The following CEP83 variants were observed in gnomAD, a reference collection of about 807,000 sequenced individuals.
CEP83 encodes centrosomal protein 83.
CEP83 carries 70 observed loss-of-function variants against 101.9 expected under a neutral mutation model. The observed-to-expected ratio is 0.69, with a 90% confidence interval of 0.57 to 0.84. The LOEUF is 0.84. Ranked by LOEUF, CEP83 falls within the 40% of genes least tolerant of loss-of-function variation. The pLI is 0.00. For missense variants in CEP83, 715 were observed against 787.2 expected, an observed-to-expected ratio of 0.91 and a Z score of 1.10; for synonymous variants, 264 against 267.9, an observed-to-expected ratio of 0.99 and a Z score of 0.14.
chr12:94,389,678 C>T (rs963869573), intron 6 of CEP83, among the ~76,000 whole-genome samples: 3 of 152,154 alleles, frequency 2.0e-5, no homozygotes, highest in Non-Finnish European at 2.9e-5. Context: ...TCACCTCACC[C>T]GGGAAGTGCA....
chr12:94,323,598 T>C (rs1404144421), intron 14 of CEP83, among the ~76,000 whole-genome samples: 1 of 152,192 alleles, frequency 6.6e-6, no homozygotes, highest in Non-Finnish European at 1.5e-5. Flanking sequence ...CTGTATTTAC[T>C]TACTCCTTCT....
At chr12:94,452,256 G>A (rs1305323569) in intron 1 of CEP83, among the ~76,000 whole-genome samples, 3 of 152,134 alleles carry the variant, frequency 2.0e-5, no homozygotes, top group Non-Finnish European at 2.9e-5. Context: ...AAATTGCCTT[G>A]TGATGACAGT....
intron 2 of CEP83, chr12:94,424,210 G>T: frequency 1.2e-6 from 2 of 1,610,156 alleles, no homozygotes; most frequent in Non-Finnish European, 8.5e-7. Context: ...GAGCTGTGGT[G>T]GGGTCATAGG....
chr12:94,368,136 T>C lies in CEP83; in HGVS notation c.1114A>G (p.Lys372Glu), dbSNP rs1234418853. 1.2e-6 allele frequency: 2 copies of C among 1,612,988 alleles called. No individual in the cohort carries two copies. The highest frequency in any genetic ancestry group is 2.7e-5 in the African/African-American group (2 of 74,918). Residue 372 changes from lysine to glutamate, a missense_variant, in exon 10 of 17, where the codon AAG becomes GAG. Transcript: ENST00000397809. ...VEHHKVLLVE[K>E]DRELIRKVQA... ...ACTTTACGTATTAATTCACGATCCT[T>C]TTCTACTAAGAGCACTTTGTGATGT...
intron 11 of CEP83, among the ~76,000 whole-genome samples, chr12:94,353,728 G>T (rs2060307806): frequency 7.3e-6 from 1 of 136,906 alleles, no homozygotes; most frequent in African/African-American, 2.7e-5. Context: ...AAAACGAAGT[G>T]GGGGAAAAAA....
chr12:94,395,164 A>G (rs1056268703), intron 6 of CEP83, among the ~76,000 whole-genome samples: 2 of 151,906 alleles, frequency 1.3e-5, no homozygotes, highest in African/African-American at 4.8e-5. Flanking sequence ...ATAAAGACAC[A>G]TCACACACTG....
chr12:94,381,167 A>C (rs945150187), intron 6 of CEP83, among the ~76,000 whole-genome samples: 1 of 152,168 alleles, frequency 6.6e-6, no homozygotes, highest in African/African-American at 2.4e-5. Context: ...CACTGCCATA[A>C]CACCACTTGT....
intron 1 of CEP83, among the ~76,000 whole-genome samples, 179 bp from the exon 2 acceptor site, chr12:94,435,506 A>G (rs1223666764): frequency 6.6e-6 from 1 of 152,226 alleles, no homozygotes; most frequent in Non-Finnish European, 1.5e-5. Context: ...AAATGCCACA[A>G]GACAGCCAAA....
At chr12:94,431,307 G>T (rs908749494) in intron 2 of CEP83, among the ~76,000 whole-genome samples, 1 of 152,088 alleles carries the variant, frequency 6.6e-6, no homozygotes, top group Non-Finnish European at 1.5e-5. Flanking sequence ...ATGGATCAAA[G>T]ATACAAACGT....
chr12:94,303,997 T>G (rs1180150457), downstream of CEP83: 2 of 1,601,076 alleles, frequency 1.2e-6, no homozygotes, highest in Non-Finnish European at 1.7e-6. Flanking sequence ...ATGAATTTAA[T>G]GAAGAAGTGG....
intron 2 of CEP83, among the ~76,000 whole-genome samples, chr12:94,417,662 G>A (rs563248856): frequency 8.5e-5 from 13 of 152,162 alleles, no homozygotes; most frequent in Admixed American, 6.5e-5. Flanking sequence ...GGTGGTGCAC[G>A]TCTGTCATCT....
At chr12:94,438,842 AAT>A (rs2066189778) in intron 1 of CEP83, among the ~76,000 whole-genome samples, 1 of 152,254 alleles carries the variant, frequency 6.6e-6, no homozygotes, top group Admixed American at 6.5e-5. Flanking sequence ...ATCACAGCAG[AAT>A]AAAACTAGAA....
At chr12:94,401,307 G>GTTAATA (rs2063241128) in intron 5 of CEP83, 1 of 155,198 alleles carries the variant, frequency 6.4e-6, no homozygotes, top group Non-Finnish European at 1.4e-5. Context: ...ATGTAAGAAT[G>GTTAATA]TAGCACACCT....
chr12:94,333,725 C>A, intron 12 of CEP83, 86 bp from the exon 13 acceptor site: 1 of 1,328,120 alleles, frequency 7.5e-7, no homozygotes, highest in East Asian at 2.4e-5. Context: ...TAAGCATCTC[C>A]CTTTGCAAAT....
At chr12:94,327,452 CTAATTA>C (rs1387262803) in intron 14 of CEP83, among the ~76,000 whole-genome samples, 6 of 152,274 alleles carry the variant, frequency 3.9e-5, no homozygotes, top group Non-Finnish European at 8.8e-5. Flanking sequence ...TCCTGAGTTT[CTAATTA>C]TATTTCTCTA....
intron 11 of CEP83, among the ~76,000 whole-genome samples, chr12:94,358,627 T>C (rs2060593441): frequency 1.3e-5 from 2 of 152,112 alleles, no homozygotes; most frequent in Non-Finnish European, 2.9e-5. Context: ...TAAGAAAAAA[T>C]CAGGAAAATG....
intron 8 of CEP83, among the ~76,000 whole-genome samples, chr12:94,373,742 T>G (rs2061404094): frequency 6.6e-6 from 1 of 152,190 alleles, no homozygotes; most frequent in Non-Finnish European, 1.5e-5. Flanking sequence ...CTGACATAAC[T>G]TTGTTCTAAA....
intron 1 of CEP83, among the ~76,000 whole-genome samples, chr12:94,454,096 A>C (rs79307506): frequency 8.1e-6 from 1 of 124,170 alleles, no homozygotes; most frequent in Non-Finnish European, 1.8e-5. Context: ...ACTATGTCTC[A>C]AAAAAAAAAA....
At chr12:94,273,409 A>G in the CEP83 span, among the ~76,000 whole-genome samples, 1 of 151,962 alleles carries the variant, frequency 6.6e-6, no homozygotes, top group African/African-American at 2.4e-5. Context: ...CTTCCTGCTC[A>G]CCAGTCTAAT....
Sources: allele counts gnomAD v4.1 joint callset (sites outside exome capture counted in the v4.1 genomes callset), GRCh38; gene constraint gnomAD v4.1.1; transcripts MANE v1.5; gene names NCBI Gene and HGNC (gene_info 2026-07-23, HGNC 2026-07-21).